The following DPP10 variants were observed in gnomAD, a reference collection of about 807,000 sequenced individuals.
DPP10 encodes inactive dipeptidyl peptidase 10.
Under a neutral mutation model 120.9 loss-of-function variants are expected in DPP10, and 33 were observed. The ratio of observed to expected loss-of-function variants is 0.27; its 90% CI spans 0.21 to 0.37. The LOEUF (loss-of-function observed/expected upper bound fraction) is 0.37. DPP10 is among the 10% of genes least tolerant of loss of function. The pLI, the probability that DPP10 is intolerant of heterozygous loss-of-function variation, is 1.00. For synonymous variants in DPP10, 337 were observed against 326.1 expected (o/e 1.03, Z -0.36); for missense variants, 816 against 942.8 (o/e 0.87, Z 1.76).
intron 1 of DPP10, among the ~76,000 whole-genome samples, chr2:114,682,618 T>C (rs558907812): frequency 6.6e-6 from 1 of 151,570 alleles, no homozygotes; most frequent in East Asian, 2.0e-4. Context: ...TAATATTGAA[T>C]ATGTCCCTGA....
intron 1 of DPP10, among the ~76,000 whole-genome samples, chr2:115,060,052 T>C (rs941250962): frequency 5.9e-5 from 9 of 152,046 alleles, no homozygotes; most frequent in Non-Finnish European, 1.3e-4. Flanking sequence ...TATTTAAAGC[T>C]CCCTCTCTCA....
At chr2:115,092,918 G>C (rs1399333728) in intron 1 of DPP10, among the ~76,000 whole-genome samples, 1 of 152,142 alleles carries the variant, frequency 6.6e-6, no homozygotes, top group East Asian at 1.9e-4. Context: ...AGAGTGAGCA[G>C]TAAAAGAAAT....
At chr2:114,964,746 G>A (rs1698883929) in intron 1 of DPP10, among the ~76,000 whole-genome samples, 1 of 152,152 alleles carries the variant, frequency 6.6e-6, no homozygotes, top group South Asian at 2.1e-4. Context: ...TTAGGGTCAT[G>A]GTGAAGGTTT....
At chr2:115,660,063 G>A (rs1384114121) in intron 5 of DPP10, among the ~76,000 whole-genome samples, 1 of 152,056 alleles carries the variant, frequency 6.6e-6, no homozygotes, top group Non-Finnish European at 1.5e-5. Context: ...TTATTGAAGG[G>A]CTACTGTGTC....
At chr2:114,465,376 C>T (rs950598390) in intron 1 of DPP10, among the ~76,000 whole-genome samples, 1 of 152,130 alleles carries the variant, frequency 6.6e-6, no homozygotes, top group Non-Finnish European at 1.5e-5. Flanking sequence ...AACTCTTTAC[C>T]TTGCATCCAT....
At chr2:115,317,588 A>T (rs1311925411) in intron 2 of DPP10, among the ~76,000 whole-genome samples, 2 of 150,696 alleles carry the variant, frequency 1.3e-5, no homozygotes, top group South Asian at 4.2e-4. Flanking sequence ...AGAAATATTC[A>T]TGTGTTCCAG....
intron 1 of DPP10, among the ~76,000 whole-genome samples, chr2:114,483,703 C>T (rs567534876): frequency 3.9e-5 from 6 of 152,262 alleles, no homozygotes; most frequent in South Asian, 2.1e-4. Context: ...AGGATGGCTG[C>T]CTGTGGAATG....
chr2:115,186,894 G>C (rs1229259810), intron 1 of DPP10, among the ~76,000 whole-genome samples: 1 of 151,910 alleles, frequency 6.6e-6, no homozygotes, highest in African/African-American at 2.4e-5. Flanking sequence ...AAAGGACTTA[G>C]AATAGTTATA....
chr2:115,560,404 ATATATATATATAT>A (rs1228450965), intron 5 of DPP10, among the ~76,000 whole-genome samples: 2 of 5,844 alleles, frequency 3.4e-4, no homozygotes, highest in Non-Finnish European at 6.1e-4. Context: ...AAAAAAAAAA[ATATATATATATAT>A]ATATATATAT....
intron 1 of DPP10, among the ~76,000 whole-genome samples, chr2:114,696,058 A>G (rs1217772324): frequency 1.3e-5 from 2 of 152,074 alleles, no homozygotes; most frequent in East Asian, 1.9e-4. Flanking sequence ...ATATTAAATG[A>G]CATTTTATGA....
At chr2:114,865,054 G>A (rs558104406) in intron 1 of DPP10, among the ~76,000 whole-genome samples, 2 of 152,310 alleles carry the variant, frequency 1.3e-5, no homozygotes, top group Admixed American at 6.5e-5. Flanking sequence ...GGATGGGCAC[G>A]TTTTACATTT....
chr2:115,376,206 G>A (rs1355217934), intron 3 of DPP10, among the ~76,000 whole-genome samples: 2 of 152,020 alleles, frequency 1.3e-5, no homozygotes, highest in Non-Finnish European at 2.9e-5. Context: ...TCTTGTTATT[G>A]TTAAACCATT....
At chr2:115,508,237 T>G (rs183502333) in intron 4 of DPP10, among the ~76,000 whole-genome samples, 1 of 152,232 alleles carries the variant, frequency 6.6e-6, no homozygotes, top group African/African-American at 2.4e-5. Flanking sequence ...TCTTGGGGCT[T>G]AAAATATATT....
intron 1 of DPP10, among the ~76,000 whole-genome samples, chr2:114,713,386 G>A (rs1393343482): frequency 6.6e-6 from 1 of 152,118 alleles, no homozygotes; most frequent in Non-Finnish European, 1.5e-5. Context: ...TAGAATTGCT[G>A]ATATGTATAG....
intron 3 of DPP10, among the ~76,000 whole-genome samples, chr2:115,447,643 T>C (rs1414392400): frequency 6.6e-6 from 1 of 152,168 alleles, no homozygotes; most frequent in Admixed American, 6.5e-5. Flanking sequence ...TTATAAGTTG[T>C]GGTGTCCCCT....
intron 1 of DPP10, among the ~76,000 whole-genome samples, chr2:115,194,807 TAAC>T (rs1217008927): frequency 6.6e-6 from 1 of 152,170 alleles, no homozygotes; most frequent in Non-Finnish European, 1.5e-5. Flanking sequence ...ATGTTTAACA[TAAC>T]AATGCCACCT....
At chr2:114,693,660 T>C (rs185577754) in intron 1 of DPP10, among the ~76,000 whole-genome samples, 1 of 152,122 alleles carries the variant, frequency 6.6e-6, no homozygotes, top group Admixed American at 6.6e-5. Context: ...CTGGATGATA[T>C]CCTGAAATAT....
chr2:114,746,623 G>C (rs1049664050), intron 1 of DPP10, among the ~76,000 whole-genome samples: 5 of 152,168 alleles, frequency 3.3e-5, no homozygotes, highest in South Asian at 4.1e-4. Context: ...ATGGAACATA[G>C]GGCTATGAAA....
At chr2:115,553,311 T>C (rs890403588) in intron 5 of DPP10, among the ~76,000 whole-genome samples, 1 of 152,076 alleles carries the variant, frequency 6.6e-6, no homozygotes, top group Non-Finnish European at 1.5e-5. Context: ...TGTGTCTTTC[T>C]CCATAGCTAT....
Sources: gnomAD v4.1 joint callset for allele counts (sites outside exome capture counted in the v4.1 genomes callset) on GRCh38, gnomAD v4.1.1 for gene constraint, MANE v1.5 for transcripts, NCBI Gene and HGNC (gene_info 2026-07-23, HGNC 2026-07-21) for gene names.